The following GRIK4 variants were observed in gnomAD, a reference collection of about 807,000 sequenced individuals.
GRIK4 encodes glutamate ionotropic receptor kainate type subunit 4.
Under a neutral mutation model 104.9 loss-of-function variants are expected in GRIK4, and 40 were observed. The observed-to-expected ratio is 0.38, with a 90% CI of 0.30 to 0.50. GRIK4 has a LOEUF of 0.50. GRIK4 is among the 20% of genes least tolerant of loss of function. GRIK4 has a pLI of 0.93. For missense variants in GRIK4, 1,047 were observed against 1,308.1 expected, an observed-to-expected ratio of 0.80 and a Z score of 3.08; for synonymous variants, 485 against 524.9, an observed-to-expected ratio of 0.92 and a Z score of 1.04.
intron 3 of GRIK4, among the ~76,000 whole-genome samples, chr11:120,721,179 G>T (rs1950928673): frequency 6.6e-6 from 1 of 152,122 alleles, no homozygotes; most frequent in Non-Finnish European, 1.5e-5. Context: ...GGGAGCTACG[G>T]GGAGTGGTTC....
chr11:120,687,598 T>A (rs947698883), intron 3 of GRIK4, among the ~76,000 whole-genome samples: 1 of 152,198 alleles, frequency 6.6e-6, no homozygotes, highest in African/African-American at 2.4e-5. Context: ...GCCTAATAAC[T>A]TTTTTATTGA....
chr11:120,905,539 G>GGGGTGGC lies in GRIK4; in HGVS notation c.1476+46_1476+47insGGGTGGC. On this transcript the variant is annotated intron_variant, in intron 13 of 20. Coordinates refer to ENST00000527524, the MANE Select transcript of GRIK4 (RefSeq NM_014619.5). This position sits in a 1 kb window ranked among gnomAD's most constrained non-coding sequence, Gnocchi z 5.1. ...CTGGGCCTGAGGGTGGGCTGGGAGG[G>GGGGTGGC]ATTGGAAGAGCATGAGGTTGTGCTG... 2.0e-6 allele frequency: 1 copy of GGGGTGGC among 503,048 alleles called. No homozygotes were observed. The highest frequency in any genetic ancestry group is 5.7e-5 in the East Asian group (1 of 17,672). 31.2% of individuals were successfully genotyped at this position (503,048 alleles called of 1,614,324 possible).
intron 19 of GRIK4, among the ~76,000 whole-genome samples, chr11:120,972,366 AT>A (rs1253690967): frequency 3.3e-5 from 5 of 152,226 alleles, no homozygotes; most frequent in Non-Finnish European, 7.3e-5. Flanking sequence ...AAGTCAAATT[AT>A]TGGCTTTAAG....
chr11:120,597,867 G>T (rs1948826098), intron 1 of GRIK4, among the ~76,000 whole-genome samples: 3 of 152,134 alleles, frequency 2.0e-5, no homozygotes, highest in Admixed American at 1.3e-4. Flanking sequence ...TTCAGGAGCG[G>T]GAGTGCCTGC....
At chr11:120,894,526 A>G (rs1450980752) in intron 11 of GRIK4, 2 of 152,340 alleles carry the variant, frequency 1.3e-5, no homozygotes, top group Non-Finnish European at 2.9e-5. Context: ...GGCCCTGTCC[A>G]AATCCATACC....
intron 11 of GRIK4, among the ~76,000 whole-genome samples, chr11:120,881,481 C>G (rs1954966719): frequency 6.6e-6 from 1 of 152,156 alleles, no homozygotes; most frequent in South Asian, 2.1e-4. Context: ...GAGCTGACAG[C>G]CAGACTTTTG....
At chr11:120,853,128 A>G (rs1417886931) in intron 8 of GRIK4, among the ~76,000 whole-genome samples, 1 of 152,138 alleles carries the variant, frequency 6.6e-6, no homozygotes, top group African/African-American at 2.4e-5. Context: ...GCTCCAAGTG[A>G]TGACAGGTAT....
At chr11:120,625,363 C>A (rs1181702877) in intron 1 of GRIK4, among the ~76,000 whole-genome samples, 1 of 152,064 alleles carries the variant, frequency 6.6e-6, no homozygotes, top group Non-Finnish European at 1.5e-5. Context: ...CAGATGAGCA[C>A]CCGGCCGGAA....
At chr11:120,634,491 G>C (rs961321620) in intron 1 of GRIK4, among the ~76,000 whole-genome samples, 11 of 152,096 alleles carry the variant, frequency 7.2e-5, no homozygotes, top group African/African-American at 2.7e-4. Flanking sequence ...GGGTTCTGCA[G>C]CTTCTGCCAG....
rs754497742 is a variant in GRIK4, at chr11:120,831,961, C to A, written c.621C>A (p.Ile207=). 241 of 1,613,946 alleles carry A rather than the reference C, an allele frequency of 1.5e-4. 1 individual carries two copies. The highest frequency in any genetic ancestry group is 2.0e-4 in the Non-Finnish European group (233 of 1,179,946). The change falls in exon 7 of 21, where the codon ATC becomes ATA. Residue 207 remains isoleucine, a synonymous_variant. Coordinates refer to ENST00000527524, the MANE Select transcript of GRIK4 (RefSeq NM_014619.5). ...TRDPTPLLKE[I]RDDKTATIII... Reference sequence around the variant, plus strand: ...ACCCCACCCCGCTCCTCAAGGAGATCCGGGACGACAAGACCGCCACCATCA... The same window carrying A: ...ACCCCACCCCGCTCCTCAAGGAGATACGGGACGACAAGACCGCCACCATCA...
intron 6 of GRIK4, among the ~76,000 whole-genome samples, chr11:120,824,707 G>A (rs570196079): frequency 3.3e-5 from 5 of 151,462 alleles, no homozygotes; most frequent in East Asian, 3.9e-4. Flanking sequence ...GCACCACCAC[G>A]CCTGGCTAAT....
intron 3 of GRIK4, among the ~76,000 whole-genome samples, chr11:120,753,126 G>A (rs566959367): frequency 1.3e-5 from 2 of 152,328 alleles, no homozygotes; most frequent in Admixed American, 6.5e-5. Context: ...TGGGTGGTTT[G>A]GAGAAAATGG....
At chr11:120,670,908 A>G (rs891292989) in intron 3 of GRIK4, among the ~76,000 whole-genome samples, 2 of 148,954 alleles carry the variant, frequency 1.3e-5, no homozygotes, top group East Asian at 4.0e-4. Flanking sequence ...TCCTGTGCCC[A>G]TATGTTCTCA....
intron 11 of GRIK4, among the ~76,000 whole-genome samples, chr11:120,897,554 A>C (rs572454346): frequency 7.5e-6 from 1 of 132,862 alleles, no homozygotes; most frequent in East Asian, 2.5e-4. Context: ...ATGAGCCGAG[A>C]TCGCACAACT....
At chr11:120,620,186 C>A in intron 1 of GRIK4, 6 of 812,700 alleles carry the variant, frequency 7.4e-6, no homozygotes, top group South Asian at 1.3e-5. Flanking sequence ...ACAATAAATT[C>A]ATGACCATCA....
chr11:120,896,275 A>G (rs749212071), intron 11 of GRIK4, among the ~76,000 whole-genome samples: 7 of 152,242 alleles, frequency 4.6e-5, no homozygotes, highest in Non-Finnish European at 1.0e-4. Context: ...CAGGCCTCTC[A>G]GCTGACAGGC....
At chr11:120,816,675 C>A (rs536212292) in intron 5 of GRIK4, among the ~76,000 whole-genome samples, 14 of 152,214 alleles carry the variant, frequency 9.2e-5, no homozygotes, top group African/African-American at 3.1e-4. Flanking sequence ...CTCAGTGAGT[C>A]CCTGACGCTT....
intron 3 of GRIK4, 58 bp from the exon 4 acceptor site, chr11:120,802,635 A>C: frequency 6.9e-7 from 1 of 1,443,352 alleles, no homozygotes. Context: ...CTGGAGAAGG[A>C]GGAGGGTAAC....
At chr11:120,972,192 G>A (rs1297744623) in intron 19 of GRIK4, among the ~76,000 whole-genome samples, 1 of 152,088 alleles carries the variant, frequency 6.6e-6, no homozygotes, top group African/African-American at 2.4e-5. Context: ...CAGACTCCTC[G>A]GCACACCAAC....
Sources: allele counts gnomAD v4.1 joint callset (sites outside exome capture counted in the v4.1 genomes callset), GRCh38; gene constraint gnomAD v4.1.1; non-coding constraint Gnocchi (gnomAD v3.1); transcripts MANE v1.5; gene names NCBI Gene and HGNC (gene_info 2026-07-23, HGNC 2026-07-21).